The following ATP7B variants were observed in gnomAD, a reference collection of about 807,000 sequenced individuals.
ATP7B encodes the protein ATPase copper transporting beta, also known as copper-transporting ATPase 2.
ATP7B carries 113 observed loss-of-function variants against 118.9 expected under a neutral mutation model. The observed-to-expected ratio is 0.95, with a 90% CI of 0.82 to 1.11. The LOEUF (loss-of-function observed/expected upper bound fraction) is 1.11. Among genes scored for constraint, ATP7B ranks in the 50% most tolerant of loss-of-function variants. The pLI is 0.00. For synonymous variants in ATP7B, 777 were observed against 727.4 expected, an observed-to-expected ratio of 1.07 and a Z score of -1.10; for missense variants, 1,867 against 1,871.4, an observed-to-expected ratio of 1.00 and a Z score of 0.04.
At chr13:51,989,713 C>T (rs1385500741) in intron 1 of ATP7B, among the ~76,000 whole-genome samples, 5 of 152,166 alleles carry the variant, frequency 3.3e-5, no homozygotes, top group African/African-American at 7.2e-5. Context: ...TTCACAATCT[C>T]GTGCTACACA....
At chr13:51,957,461 G>A in intron 9 of ATP7B, 55 bp downstream of exon 9, 1 of 1,535,984 alleles carries the variant, frequency 6.5e-7, no homozygotes, top group South Asian at 1.1e-5. Context: ...ATCTGATGCA[G>A]CTCACACAGA....
Position 51,977,106 on chromosome 13 carries a change from T to G in ATP7B, c.52-1938A>C, listed in dbSNP as rs140057959. Among the ~76,000 whole-genome samples the G allele has an allele frequency of 3.7e-3, 570 of 152,318 alleles. 3 individuals are homozygous for G. The highest frequency in any genetic ancestry group is 0.012 in the African/African-American group (518 of 41,568). ...TGAGCCCAGGAGTTCAAGGTTACAG[T>G]GAGCTATGATTGCACCACTGTACTC... On this transcript the variant is annotated intron_variant, in intron 1 of 20. Coordinates refer to ENST00000242839, the MANE Select transcript of ATP7B (RefSeq NM_000053.4).
In ATP7B at chr13:52,001,502, G is replaced by A. The variant is rs867253062; in HGVS notation, c.51+9785C>T. ...CCTTAGGTAAGCAAAGCATACACCTGCCTCCGGAACTGTCTACTAGCTTAG... is the reference window on the plus strand; with the variant it reads ...CCTTAGGTAAGCAAAGCATACACCTACCTCCGGAACTGTCTACTAGCTTAG... On this transcript the variant is annotated intron_variant, in intron 1 of 20. Transcript: ENST00000242839. Among the ~76,000 whole-genome samples, 26 of 151,982 alleles carry A rather than the reference G, an allele frequency of 1.7e-4. 1 individual carries two copies. The highest frequency in any genetic ancestry group is 6.6e-5 in the Admixed American group (1 of 15,264).
At chr13:51,943,986 CCCT>C in intron 14 of ATP7B, 120 bp downstream of exon 14, 2 of 1,225,572 alleles carry the variant, frequency 1.6e-6, no homozygotes, top group South Asian at 2.8e-5. Context: ...TGCAGAAGGG[CCCT>C]CTAAGTGGTT....
At chr13:51,968,732 C>G in intron 3 of ATP7B, 125 bp from the exon 4 acceptor site, 5 of 1,189,974 alleles carry the variant, frequency 4.2e-6, no homozygotes, top group Admixed American at 1.9e-5. Flanking sequence ...TTTTCAAACA[C>G]TGTTTGAAAA....
At chr13:51,977,095 C>T (rs1037740495) in intron 1 of ATP7B, among the ~76,000 whole-genome samples, 1 of 152,138 alleles carries the variant, frequency 6.6e-6, no homozygotes, top group African/African-American at 2.4e-5. Flanking sequence ...CCCAGGAGTT[C>T]AAGGTTACAG....
chr13:51,933,985 C>T lies in ATP7B; in HGVS notation c.*771G>A, dbSNP rs1227750230. The T allele has an allele frequency of 6.5e-6, 1 of 152,802 alleles. No homozygotes were observed. Among genetic ancestry groups the T allele is most frequent in the Non-Finnish European group, 1.5e-5 (1 of 68,526 alleles). 9.5% of individuals were successfully genotyped at this position (152,802 alleles called of 1,614,324 possible). On this transcript the variant is annotated 3_prime_UTR_variant, in exon 21 of 21. Coordinates refer to ENST00000242839, the MANE Select transcript of ATP7B (RefSeq NM_000053.4). ...CAGCAACAACACTCTATTGAGAAGC[C>T]AACACTCCATGGAGAAGGGGGCTTT... is the stretch of plus-strand genomic sequence containing the variant.
At chr13:51,961,936 T>C in intron 5 of ATP7B, 23 bp from the exon 6 acceptor site, 1 of 1,592,092 alleles carries the variant, frequency 6.3e-7, no homozygotes, top group Non-Finnish European at 8.6e-7. Context: ...AAGAGAGGGG[T>C]GGGGAAAAAG....
In ATP7B at chr13:51,937,285, T is replaced by TG; in HGVS notation, c.4011dup (p.Ile1338HisfsTer40). On this transcript the variant is annotated frameshift_variant, in exon 19 of 21. Coordinates refer to ENST00000242839, the MANE Select transcript of ATP7B (RefSeq NM_000053.4). LOFTEE classifies it high-confidence loss of function. ...GGTAAGAGCTGCCTACCTGCTGCAA[T>TG]GGGTATCCCAACCAGGTTATAAATC... The TG allele has an allele frequency of 6.2e-7, 1 of 1,614,030 alleles. No individual in the cohort carries two copies. The highest frequency in any genetic ancestry group is 8.5e-7 in the Non-Finnish European group (1 of 1,179,900).
intron 19 of ATP7B, among the ~76,000 whole-genome samples, chr13:51,936,473 G>T: frequency 6.7e-6 from 1 of 149,448 alleles, no homozygotes; most frequent in South Asian, 2.1e-4. Flanking sequence ...GGGAGAGATG[G>T]TTCTTAAGGA....
Position 51,970,583 on chromosome 13 carries a change from T to C in ATP7B, c.1452A>G (p.Ala484=), listed in dbSNP as rs1353189490. 6.2e-7 allele frequency: 1 copy of C among 1,614,168 alleles called. No homozygotes were observed. The highest frequency in any genetic ancestry group is 1.1e-5 in the South Asian group (1 of 91,080). ...ILAKSPQSTR[A]VAPQKCFLQI... ...GTAAGAAGCACTTCTGCGGTGCCACTGCTCTGGTTGATTGTGGGGACTTTG... is the reference window on the plus strand; with the variant it reads ...GTAAGAAGCACTTCTGCGGTGCCACCGCTCTGGTTGATTGTGGGGACTTTG... The change falls in exon 3 of 21, where the codon GCA becomes GCG. Residue 484 remains alanine, a synonymous_variant. Coordinates refer to ENST00000242839, the MANE Select transcript of ATP7B (RefSeq NM_000053.4).
chr13:51,992,525 G>A (rs1952965576), intron 1 of ATP7B, among the ~76,000 whole-genome samples: 1 of 152,192 alleles, frequency 6.6e-6, no homozygotes, highest in Non-Finnish European at 1.5e-5. Context: ...TTCTCAAGGT[G>A]CAAAGCTGAT....
In ATP7B at chr13:51,961,819, C is replaced by A; in HGVS notation, c.1946+18G>T. 3 of 1,609,442 alleles carry A rather than the reference C, an allele frequency of 1.9e-6. No individual in the cohort carries two copies. The highest frequency in any genetic ancestry group is 2.6e-6 in the Non-Finnish European group (3 of 1,175,836). ...GACTTAGATGAGAGCTGGAGTTTAT[C>A]TTTTGTGTTCTACCTACTGCTTTAT... On this transcript the variant is annotated intron_variant, in intron 6 of 20. Transcript: ENST00000242839.
intron 16 of ATP7B, 118 bp from the exon 17 acceptor site, chr13:51,939,311 A>G: frequency 6.8e-7 from 1 of 1,462,316 alleles, no homozygotes; most frequent in East Asian, 2.4e-5. Flanking sequence ...ACATCAAATT[A>G]TATAACACAA....
At chr13:51,945,925 C>T (rs1297822505) in intron 13 of ATP7B, among the ~76,000 whole-genome samples, 1 of 152,190 alleles carries the variant, frequency 6.6e-6, no homozygotes, top group Non-Finnish European at 1.5e-5. Flanking sequence ...GGCTTTTGTC[C>T]TGAAGCCTGG....
At chr13:51,937,792 G>A in intron 17 of ATP7B, 113 bp from the exon 18 acceptor site, 1 of 1,242,566 alleles carries the variant, frequency 8.0e-7, no homozygotes, top group South Asian at 1.2e-5. Context: ...AGTCAGTGAT[G>A]TTGGTCAACC....
intron 1 of ATP7B, among the ~76,000 whole-genome samples, chr13:52,008,007 G>A (rs1450341532): frequency 6.6e-6 from 1 of 151,874 alleles, no homozygotes; most frequent in Non-Finnish European, 1.5e-5. Context: ...CATCATTTAG[G>A]GTTTTTAAGA....
Position 51,975,158 on chromosome 13 carries a change from T to C in ATP7B, c.62A>G (p.Lys21Arg), listed in dbSNP as rs199514391. 56 of 1,614,208 alleles carry C rather than the reference T, an allele frequency of 3.5e-5. No homozygotes were observed. The highest frequency in any genetic ancestry group is 4.7e-5 in the Non-Finnish European group (55 of 1,180,010). ...CCAGGCACGGGTAGGCAAAGAAAGC[T>C]TAGATAAGATCTAAAAAGAAAAGAA... ...REGASRKILS[K>R]LSLPTRAWEP... is the part of the protein sequence containing the mutation. Residue 21 changes from lysine to arginine, a missense_variant, in exon 2 of 21, where the codon AAG (lysine) becomes AGG (arginine). By Grantham distance (26) the Lys-to-Arg change is conservative. Coordinates refer to ENST00000242839, the MANE Select transcript of ATP7B (RefSeq NM_000053.4).
At chr13:51,946,511 G>C in intron 12 of ATP7B, 33 bp from the exon 13 acceptor site, 1 of 1,611,130 alleles carries the variant, frequency 6.2e-7, no homozygotes, top group Non-Finnish European at 8.5e-7. Flanking sequence ...GGCAGGTTGA[G>C]AGTTCAATAA....
Sources: gnomAD v4.1 joint callset for allele counts (sites outside exome capture counted in the v4.1 genomes callset) on GRCh38, gnomAD v4.1.1 for gene constraint, MANE v1.5 for transcripts, NCBI Gene and HGNC (gene_info 2026-07-23, HGNC 2026-07-21) for gene names.